Variants in MESD observed in about 807,000 individuals in gnomAD.
The protein encoded by MESD is LRP chaperone MESD.
In MESD, 7 loss-of-function variants were observed where a neutral mutation model predicts 12.9. The observed-to-expected ratio is 0.54, with a 90% confidence interval of 0.31 to 1.02. MESD has a LOEUF of 1.02. MESD is among the 50% of genes least tolerant of loss of function. The probability of loss-of-function intolerance (pLI) is 0.05; values close to 1 mark genes in which losing one functional copy is unlikely to be tolerated. For synonymous variants in MESD, 126 were observed against 115.6 expected (o/e 1.09, Z -0.58); for missense variants, 342 against 296.7 (o/e 1.15, Z -1.12).
intron 2 of MESD, among the ~76,000 whole-genome samples, 177 bp from the exon 3 acceptor site, chr15:80,979,654 C>A (rs1220815424): frequency 6.6e-6 from 1 of 152,212 alleles, no homozygotes; most frequent in Non-Finnish European, 1.5e-5. Context: ...TACTAGCTTG[C>A]TGAACTATTA....
intron 2 of MESD, among the ~76,000 whole-genome samples, chr15:80,981,066 C>T (rs926148813): frequency 8.6e-5 from 13 of 151,622 alleles, no homozygotes; most frequent in Admixed American, 2.6e-4. Context: ...CTTCGTGATC[C>T]GCCCACCTCA....
At chr15:80,980,254 C>A (rs1349471572) in intron 2 of MESD, among the ~76,000 whole-genome samples, 1 of 152,090 alleles carries the variant, frequency 6.6e-6, no homozygotes, top group African/African-American at 2.4e-5. Flanking sequence ...TTTTGCTGGC[C>A]GGACACTCTC....
At chr15:80,969,443 T>C (rs1265596202) in intron 3 of MESD, among the ~76,000 whole-genome samples, 1 of 152,068 alleles carries the variant, frequency 6.6e-6, no homozygotes, top group East Asian at 1.9e-4. Context: ...TGGGGAGTGC[T>C]TGTATCAACA....
chr15:80,982,006 C>T lies in MESD; in HGVS notation c.390G>A (p.Glu130=), dbSNP rs1384426259. 9.9e-6 allele frequency: 16 copies of T among 1,614,026 alleles called. No individual in the cohort carries two copies. Among genetic ancestry groups the T allele is most frequent in the South Asian group, 6.6e-5 (6 of 91,078 alleles). The part of the protein sequence containing the change: ...VSGSPTEKET[E]EITSLWQGSL... ...TGCCCTGCCAGAGGCTCGTAATTTC[C>T]TCTGTCTCCTTCTCAGTAGGGCTTC... The change falls in exon 2 of 3, where the codon GAG becomes GAA. Residue 130 remains glutamate (E), a synonymous_variant. Transcript: ENST00000261758.
intron 1 of MESD, among the ~76,000 whole-genome samples, chr15:80,983,884 A>T (rs1902654560): frequency 6.7e-6 from 1 of 150,226 alleles, no homozygotes; most frequent in African/African-American, 2.5e-5. Context: ...TTACTAATAG[A>T]AAACAGTAAC....
chr15:80,964,810 T>A (rs1198413537), intron 3 of MESD, among the ~76,000 whole-genome samples: 4 of 152,196 alleles, frequency 2.6e-5, no homozygotes, highest in Non-Finnish European at 1.5e-5. Context: ...TAACTCAAGA[T>A]GGATTAAAAA....
chr15:80,975,097 G>A (rs1451637861), downstream of MESD, among the ~76,000 whole-genome samples: 3 of 151,888 alleles, frequency 2.0e-5, no homozygotes, highest in African/African-American at 7.2e-5. Flanking sequence ...AGAGCTGAAA[G>A]GTAGAGCTGG....
Position 80,979,420 on chromosome 15 carries a change from C to A in MESD, c.504G>T (p.Trp168Cys). 6.2e-7 allele frequency: 1 copy of A among 1,614,186 alleles called. No individual in the cohort carries two copies. ...GACCGACCAAAAAGTCCTTGATCTC[C>A]CAGGCGTAGCTCCCATCGCGAAGCA... ...IFMLRDGSYA[W>C]EIKDFLVGQD... The change falls in exon 3 of 3, where the codon TGG becomes TGT. Residue 168 changes from tryptophan (W) to cysteine (C), a missense_variant. Physicochemically the swap from Trp to Cys is radical, Grantham distance 215. Transcript: ENST00000261758.
At chr15:80,954,622 G>A (rs1345992574) in intron 3 of MESD, among the ~76,000 whole-genome samples, 1 of 152,074 alleles carries the variant, frequency 6.6e-6, no homozygotes, top group Non-Finnish European at 1.5e-5. Flanking sequence ...TTGGGGGAGG[G>A]GATGGAGGAA....
At chr15:80,983,848 C>T (rs1326819665) in intron 1 of MESD, among the ~76,000 whole-genome samples, 2 of 150,916 alleles carry the variant, frequency 1.3e-5, no homozygotes, top group African/African-American at 4.9e-5. Flanking sequence ...ATGTTGAACC[C>T]ATAATGATCA....
chr15:80,959,430 G>A (rs945067451), intron 3 of MESD, among the ~76,000 whole-genome samples: 1 of 152,140 alleles, frequency 6.6e-6, no homozygotes, highest in African/African-American at 2.4e-5. Context: ...GTTTGAAAGG[G>A]CCCTGTTCCA....
downstream of MESD, chr15:80,946,912 A>G: frequency 7.9e-7 from 1 of 1,264,796 alleles, no homozygotes; most frequent in Non-Finnish European, 1.2e-6. Flanking sequence ...CCCCATGCCC[A>G]CTTTCTCCAG....
intron 4 of MESD, chr15:80,949,314 TCA>T: frequency 2.9e-6 from 1 of 350,798 alleles, no homozygotes; most frequent in South Asian, 2.3e-5. Flanking sequence ...GGCTGGTCAT[TCA>T]CAGATCCCCA....
At chr15:80,949,036 G>A (rs1488101267) in intron 4 of MESD, 5 of 1,459,592 alleles carry the variant, frequency 3.4e-6, no homozygotes, top group Non-Finnish European at 4.8e-6. Context: ...TGCCTGGGAA[G>A]GCCGTGTTTC....
chr15:80,956,785 GA>G (rs1901996197), intron 3 of MESD, among the ~76,000 whole-genome samples: 1 of 152,162 alleles, frequency 6.6e-6, no homozygotes, highest in African/African-American at 2.4e-5. Flanking sequence ...GGAGCATGCA[GA>G]GGGGGTGGCT....
intron 3 of MESD, among the ~76,000 whole-genome samples, chr15:80,955,487 C>CAAAA (rs1169755665): frequency 1.3e-4 from 6 of 45,622 alleles, no homozygotes; most frequent in African/African-American, 5.4e-4. Context: ...GACTCCGTCT[C>CAAAA]AAAAAAAAAA....
chr15:80,989,428 C>T, intron 1 of MESD, 151 bp downstream of exon 1: 1 of 931,808 alleles, frequency 1.1e-6, no homozygotes, highest in Non-Finnish European at 1.6e-6. Flanking sequence ...AATGGAGGGT[C>T]AACAGTGGCT....
chr15:80,973,695 C>G (rs1463534846), downstream of MESD, among the ~76,000 whole-genome samples: 1 of 152,162 alleles, frequency 6.6e-6, no homozygotes, highest in Non-Finnish European at 1.5e-5. Context: ...ACTGCCTCAC[C>G]CTATTCACCC....
At chr15:80,983,002 T>C (rs1342044837) in intron 1 of MESD, among the ~76,000 whole-genome samples, 1 of 152,086 alleles carries the variant, frequency 6.6e-6, no homozygotes, top group African/African-American at 2.4e-5. Flanking sequence ...AGCTACTCAG[T>C]AGGCTGAGGT....
Sources: allele counts gnomAD v4.1 joint callset (sites outside exome capture counted in the v4.1 genomes callset), GRCh38; gene constraint gnomAD v4.1.1; transcripts MANE v1.5; gene names NCBI Gene and HGNC (gene_info 2026-07-23, HGNC 2026-07-21).